The following IL26 variants were observed in gnomAD, a reference collection of about 807,000 sequenced individuals.
IL26 encodes interleukin-26.
A neutral mutation model predicts 21.7 loss-of-function variants in IL26; 23 were observed. The observed-to-expected ratio is 1.06, with a 90% confidence interval of 0.76 to 1.50. The LOEUF (loss-of-function observed/expected upper bound fraction) is 1.50, where lower values mean the gene tolerates loss of function less well. Ranked by LOEUF, IL26 falls within the 40% of genes most tolerant of loss-of-function variation. The pLI, the probability that IL26 is intolerant of heterozygous loss-of-function variation, is 0.00. For synonymous variants in IL26, 63 were observed against 67.8 expected (o/e 0.93, Z 0.34); for missense variants, 204 against 196.0 (o/e 1.04, Z -0.24).
At chr12:68,214,583 T>C (rs1221049655) in intron 3 of IL26, among the ~76,000 whole-genome samples, 1 of 152,226 alleles carries the variant, frequency 6.6e-6, no homozygotes, top group Non-Finnish European at 1.5e-5. Context: ...TATCATTATA[T>C]AGTGACTTTC....
At chr12:68,221,027 T>C (rs1232655593) in intron 3 of IL26, among the ~76,000 whole-genome samples, 2 of 152,244 alleles carry the variant, frequency 1.3e-5, no homozygotes, top group Non-Finnish European at 2.9e-5. Flanking sequence ...TCTGATCTTA[T>C]GATTTTTATG....
At chr12:68,204,687 T>TA (rs112997718) in intron 3 of IL26, among the ~76,000 whole-genome samples, 11,775 of 147,508 alleles carry the variant, frequency 0.08, 530 homozygotes, top group African/African-American at 0.13. Flanking sequence ...ACTGTTCAAT[T>TA]AAAAAAAAAA....
chr12:68,223,773 G>GTTGTA (rs1230285908), intron 3 of IL26, among the ~76,000 whole-genome samples: 1 of 150,998 alleles, frequency 6.6e-6, no homozygotes, highest in Non-Finnish European at 1.5e-5. Flanking sequence ...TTTTATCAGT[G>GTTGTA]TTGTAATTTT....
chr12:68,217,915 G>A (rs1041151722), intron 3 of IL26, among the ~76,000 whole-genome samples: 1 of 152,130 alleles, frequency 6.6e-6, no homozygotes, highest in African/African-American at 2.4e-5. Flanking sequence ...TTTCAAAAAG[G>A]AGGAAGAGAA....
At chr12:68,212,795 G>A (rs569164945) in intron 3 of IL26, among the ~76,000 whole-genome samples, 39 of 152,154 alleles carry the variant, frequency 2.6e-4, no homozygotes, top group Non-Finnish European at 5.2e-4. Context: ...TTTAGGTAGA[G>A]TCTTTAGGAT....
rs772636532 is a variant in IL26 at position 68,202,077 on chromosome 12, A to G, written c.370T>C (p.Cys124Arg). ...LRQKLSHCIS[C>R]ASSAREMKSI... ...TTCATCTCTCTAGCTGATGAAGCAC[A>G]GGAAATCTAAGAAATCAACAGTAAT... The change falls in exon 4 of 5, where the codon TGT becomes CGT. Residue 124 changes from cysteine (C) to arginine (R), a missense_variant. Transcript: ENST00000229134. 4.5e-6 allele frequency: 7 copies of G among 1,568,038 alleles called. No homozygotes were observed. The Admixed American group carries it at 8.7e-5, about 19-fold the overall frequency.
At chr12:68,209,041 A>T (rs2120434616) in intron 3 of IL26, among the ~76,000 whole-genome samples, 1 of 152,324 alleles carries the variant, frequency 6.6e-6, no homozygotes, top group East Asian at 1.9e-4. Flanking sequence ...AAACAATCAG[A>T]TAAACAAGCA....
chr12:68,224,827 A>G (rs2120484347), intron 3 of IL26, among the ~76,000 whole-genome samples: 1 of 152,256 alleles, frequency 6.6e-6, no homozygotes, highest in South Asian at 2.1e-4. Context: ...CTCAAGAAAT[A>G]TTAAATGGAT....
chr12:68,219,783 G>T (rs1344537549), intron 3 of IL26, among the ~76,000 whole-genome samples: 1 of 151,696 alleles, frequency 6.6e-6, no homozygotes, highest in Admixed American at 6.6e-5. Flanking sequence ...CTAAAAACTG[G>T]TTCTTTGAGA....
chr12:68,225,073 T>G, intron 3 of IL26, 76 bp downstream of exon 3: 36 of 1,451,142 alleles, frequency 2.5e-5, no homozygotes, highest in Non-Finnish European at 3.2e-5. Context: ...CCCTTTGGTG[T>G]GAGACAGATT....
chr12:68,223,218 CA>C (rs1326770908), intron 3 of IL26, among the ~76,000 whole-genome samples: 1 of 152,146 alleles, frequency 6.6e-6, no homozygotes, highest in Non-Finnish European at 1.5e-5. Context: ...CTGATGCTCA[CA>C]CTGATAGGCT....
At chr12:68,218,768 A>G (rs1398507247) in intron 3 of IL26, among the ~76,000 whole-genome samples, 1 of 152,058 alleles carries the variant, frequency 6.6e-6, no homozygotes, top group African/African-American at 2.4e-5. Context: ...AAACTACATC[A>G]ATTCACATCA....
chr12:68,207,367 A>C (rs762843931), intron 3 of IL26, among the ~76,000 whole-genome samples: 2 of 152,218 alleles, frequency 1.3e-5, no homozygotes, highest in Non-Finnish European at 2.9e-5. Flanking sequence ...AAGATTTATG[A>C]TATTGCACAA....
At chr12:68,219,646 G>A (rs1248725279) in intron 3 of IL26, among the ~76,000 whole-genome samples, 6 of 151,582 alleles carry the variant, frequency 4.0e-5, no homozygotes, top group African/African-American at 1.5e-4. Flanking sequence ...AATGACCCAA[G>A]TTTCTAGCTT....
At chr12:68,202,637 C>T in intron 3 of IL26, among the ~76,000 whole-genome samples, 1 of 152,138 alleles carries the variant, frequency 6.6e-6, no homozygotes, top group Non-Finnish European at 1.5e-5. Context: ...AATTCATTTA[C>T]TGTCATGAGA....
chr12:68,217,377 T>TATTTCA (rs1488058696), intron 3 of IL26, among the ~76,000 whole-genome samples: 9 of 152,106 alleles, frequency 5.9e-5, no homozygotes, highest in Admixed American at 1.3e-4. Context: ...ATTTCATGAG[T>TATTTCA]TAATAATGAA....
chr12:68,202,139 C>A lies in IL26; in HGVS notation c.364-56G>T, dbSNP rs917922273. The A allele has an allele frequency of 9.9e-6, 11 of 1,112,960 alleles. No homozygotes were observed. In the Admixed American group the frequency reaches 1.8e-4, roughly 19 times the overall value. 68.9% of individuals were successfully genotyped at this position (1,112,960 alleles called of 1,614,324 possible). ...TTGTTGAAGAGGCATTAATGATACT[C>A]TTTCATTCATTCAACAAATATTTAT... On this transcript the variant is annotated intron_variant, in intron 3 of 4. Coordinates refer to ENST00000229134, the MANE Select transcript of IL26 (RefSeq NM_018402.2).
chr12:68,209,465 A>G (rs1054850152), intron 3 of IL26, among the ~76,000 whole-genome samples: 1 of 152,150 alleles, frequency 6.6e-6, no homozygotes, highest in African/African-American at 2.4e-5. Flanking sequence ...GATACAATCG[A>G]TCCTGGGAGA....
At chr12:68,211,544 T>C (rs1868730747) in intron 3 of IL26, among the ~76,000 whole-genome samples, 1 of 152,196 alleles carries the variant, frequency 6.6e-6, no homozygotes, top group Non-Finnish European at 1.5e-5. Flanking sequence ...AGGGTTCCCC[T>C]TTCTCTACCT....
Sources: allele counts gnomAD v4.1 joint callset (sites outside exome capture counted in the v4.1 genomes callset), GRCh38; gene constraint gnomAD v4.1.1; transcripts MANE v1.5; gene names NCBI Gene and HGNC (gene_info 2026-07-23, HGNC 2026-07-21).